NXPE3: variants seen among roughly 807,000 people sequenced by gnomAD.
NXPE3 encodes NXPE family member 3.
Under a neutral mutation model 46.1 loss-of-function variants are expected in NXPE3, and 26 were observed. The observed-to-expected ratio is 0.56, with a 90% CI of 0.41 to 0.78. NXPE3 has a LOEUF of 0.78. Ranked by LOEUF, NXPE3 falls within the 30% of genes least tolerant of loss-of-function variation. The pLI is 0.00. For missense variants in NXPE3, 620 were observed against 686.0 expected (o/e 0.90, Z 1.07); for synonymous variants, 272 against 257.9 (o/e 1.05, Z -0.52).
chr3:101,795,510 T>C (rs1940774879), intron 4 of NXPE3, among the ~76,000 whole-genome samples: 1 of 138,382 alleles, frequency 7.2e-6, no homozygotes, highest in African/African-American at 2.6e-5. Flanking sequence ...AAAGTGAGAC[T>C]TATCTAAAAA....
intron 4 of NXPE3, among the ~76,000 whole-genome samples, chr3:101,789,712 G>A (rs905707822): frequency 5.3e-5 from 8 of 150,370 alleles, no homozygotes; most frequent in Non-Finnish European, 8.9e-5. Context: ...TTTTTTTGGC[G>A]ACAAATTTTC....
Position 101,785,705 on chromosome 3 carries a change from A to G in NXPE3, c.93+16A>G. Reference sequence around the variant, plus strand: ...TCAGGTAGAGGTGAGTACCCAGTATAATCCCTCATAACTAAGGGAGCCGAG... The same window carrying G: ...TCAGGTAGAGGTGAGTACCCAGTATGATCCCTCATAACTAAGGGAGCCGAG... On this transcript the variant is annotated intron_variant, in intron 4 of 7. Coordinates refer to ENST00000273347, the MANE Select transcript of NXPE3 (RefSeq NM_145037.4). 1.9e-6 allele frequency: 3 copies of G among 1,604,636 alleles called. No individual in the cohort carries two copies. Among genetic ancestry groups the G allele is most frequent in the East Asian group, 2.2e-5 (1 of 44,818 alleles).
At chr3:101,780,569 T>A (rs1465420229) in intron 1 of NXPE3, among the ~76,000 whole-genome samples, 4 of 152,174 alleles carry the variant, frequency 2.6e-5, no homozygotes, top group Non-Finnish European at 5.9e-5. Context: ...GGGACCTTTT[T>A]AAAAAAAGCT....
intron 6 of NXPE3, among the ~76,000 whole-genome samples, chr3:101,810,901 T>G (rs1318266927): frequency 1.3e-5 from 2 of 152,134 alleles, no homozygotes; most frequent in African/African-American, 4.8e-5. Context: ...CGATCCTGGC[T>G]CACTGCAAAC....
Position 101,816,985 on chromosome 3 carries a change from T to C in NXPE3, c.1113T>C (p.Leu371=), listed in dbSNP as rs777719698. ...CAATCAGGCAATGGTTTGAATACCTTACTACATTTGTTCCAGGTTGGTACT... is the reference window on the plus strand; with the variant it reads ...CAATCAGGCAATGGTTTGAATACCTCACTACATTTGTTCCAGGTTGGTACT... ...DSTIRQWFEY[L]TTFVPDLVEF... Residue 371 remains leucine (L), a synonymous_variant, in exon 7 of 8, where the codon CTT becomes CTC. Transcript: ENST00000273347. 5 of 1,614,136 alleles carry C rather than the reference T, an allele frequency of 3.1e-6. No homozygotes were observed. The Admixed American group carries it at 8.3e-5, about 27-fold the overall frequency.
chr3:101,788,084 C>G (rs984185306), intron 4 of NXPE3, among the ~76,000 whole-genome samples: 1 of 152,052 alleles, frequency 6.6e-6, no homozygotes, highest in Admixed American at 6.6e-5. Context: ...TGATAGTAGC[C>G]TTCTTTGTGG....
intron 6 of NXPE3, among the ~76,000 whole-genome samples, chr3:101,811,891 T>C (rs1429897065): frequency 6.6e-6 from 1 of 151,978 alleles, no homozygotes; most frequent in African/African-American, 2.4e-5. Context: ...AATGCCACCA[T>C]GCCTGGCTAA....
At position 101,807,077 on chromosome 3, in the gene NXPE3, C is replaced by G. The variant is rs747006067; in HGVS notation, c.873C>G (p.Val291=). The change falls in exon 6 of 8, where the codon GTC becomes GTG. Residue 291 remains valine (V), a synonymous_variant. Transcript: ENST00000273347. The part of the protein sequence containing the change: ...FQSGVNIKMP[V]NSSGPDWVTV... ...GTGGTGTCAATATCAAAATGCCAGT[C>G]AACTCCAGTGGACCTGATTGGGTAA... is the stretch of plus-strand genomic sequence containing the variant. 6.2e-7 allele frequency: 1 copy of G among 1,613,218 alleles called. No individual in the cohort carries two copies. The highest frequency in any genetic ancestry group is 8.5e-7 in the Non-Finnish European group (1 of 1,179,328).
At chr3:101,785,714 T>C in intron 4 of NXPE3, 25 bp downstream of exon 4, 3 of 1,586,664 alleles carry the variant, frequency 1.9e-6, no homozygotes, top group South Asian at 1.1e-5. Context: ...TAATCCCTCA[T>C]AACTAAGGGA....
rs143023311 is a variant in NXPE3, at chr3:101,786,274, G to C, written c.93+585G>C. On this transcript the variant is annotated intron_variant, in intron 4 of 7. Coordinates refer to ENST00000273347, the MANE Select transcript of NXPE3 (RefSeq NM_145037.4). ...ACTCATATAACCAAAATTTATGGTG[G>C]AGTTTCTGTATAAAGGATGCTGTCC... Among the ~76,000 whole-genome samples, 135 of 152,290 alleles carry C rather than the reference G, an allele frequency of 8.9e-4. 1 individual carries two copies. Among genetic ancestry groups the C allele is most frequent in the African/African-American group, 2.9e-3 (119 of 41,554 alleles).
At chr3:101,792,560 A>G (rs1409113333) in intron 4 of NXPE3, among the ~76,000 whole-genome samples, 2 of 152,148 alleles carry the variant, frequency 1.3e-5, no homozygotes, top group Non-Finnish European at 2.9e-5. Flanking sequence ...TTTGTTGAAC[A>G]TCAGATTGGT....
intron 4 of NXPE3, among the ~76,000 whole-genome samples, chr3:101,786,948 C>T (rs527907845): frequency 3.9e-5 from 6 of 152,168 alleles, no homozygotes; most frequent in South Asian, 4.1e-4. Flanking sequence ...CTAGGTCAGG[C>T]GCAGTGGCTC....
intron 3 of NXPE3, among the ~76,000 whole-genome samples, chr3:101,783,323 A>G (rs1286989124): frequency 6.6e-6 from 1 of 152,192 alleles, no homozygotes; most frequent in African/African-American, 2.4e-5. Flanking sequence ...GGCCTCCCAA[A>G]GTGCTGGGAT....
intron 4 of NXPE3, 32 bp from the exon 5 acceptor site, chr3:101,801,203 G>C (rs760270629): frequency 6.4e-7 from 1 of 1,569,542 alleles, no homozygotes. Context: ...TATTATAGTG[G>C]TAATTTCTGT....
chr3:101,818,724 TA>T (rs1942082561), intron 7 of NXPE3, among the ~76,000 whole-genome samples: 1 of 7,008 alleles, frequency 1.4e-4, no homozygotes, highest in African/African-American at 4.0e-4. Flanking sequence ...TTTATATATA[TA>T]TATATATATA....
At chr3:101,808,854 T>TATATATATATATATATATATAC (rs770360739) in intron 6 of NXPE3, among the ~76,000 whole-genome samples, 102 of 100,334 alleles carry the variant, frequency 1.0e-3, no homozygotes, top group Non-Finnish European at 1.6e-3. Context: ...TATATATATA[T>TATATATATATATATATATATAC]ATGAGACATT....
chr3:101,788,445 A>G (rs1560039182), intron 4 of NXPE3, among the ~76,000 whole-genome samples: 2 of 152,340 alleles, frequency 1.3e-5, no homozygotes, highest in East Asian at 3.9e-4. Flanking sequence ...CCAAGAAATC[A>G]TCACCAAATT....
chr3:101,811,213 T>TGC (rs1403757796), intron 6 of NXPE3, among the ~76,000 whole-genome samples: 1 of 152,204 alleles, frequency 6.6e-6, no homozygotes, highest in Non-Finnish European at 1.5e-5. Context: ...AACAGAGTTA[T>TGC]GCGATGTCCC....
Position 101,827,128 on chromosome 3 carries a change from A to G in NXPE3, c.*5174A>G, listed in dbSNP as rs1006494810. On this transcript the variant is annotated 3_prime_UTR_variant, in exon 8 of 8. Coordinates refer to ENST00000273347, the MANE Select transcript of NXPE3 (RefSeq NM_145037.4). ...TTTTCTTTTTTAATATTCTGGTTAA[A>G]TGAGAGGCCATCGGGCCTCTTTTTA... 2 of 152,204 alleles carry G rather than the reference A, an allele frequency of 1.3e-5. No homozygotes were observed. The highest frequency in any genetic ancestry group is 2.9e-5 in the Non-Finnish European group (2 of 68,030). The allele number at this position is 152,204 out of a possible 1,614,324, so 9.4% of individuals were successfully genotyped here.
Sources: gnomAD v4.1 joint callset for allele counts (sites outside exome capture counted in the v4.1 genomes callset) on GRCh38, gnomAD v4.1.1 for gene constraint, MANE v1.5 for transcripts, NCBI Gene and HGNC (gene_info 2026-07-23, HGNC 2026-07-21) for gene names.